Variants in CDH7 observed in about 807,000 individuals in gnomAD.
CDH7 encodes the protein cadherin 7, also known as cadherin-7.
Under a neutral mutation model 71.8 loss-of-function variants are expected in CDH7, and 25 were observed. The ratio of observed to expected loss-of-function variants is 0.35; its 90% CI spans 0.25 to 0.49. The LOEUF is 0.49. Ranked by LOEUF, CDH7 falls within the 20% of genes least tolerant of loss-of-function variation. The pLI, the probability that CDH7 is intolerant of heterozygous loss-of-function variation, is 0.99. For synonymous variants in CDH7, 381 were observed against 363.8 expected (o/e 1.05, Z -0.54); for missense variants, 862 against 974.6 (o/e 0.88, Z 1.54).
In CDH7 at chr18:65,781,767, T is replaced by TTTCCTTCCTTCC. The variant is rs1189209857; in HGVS notation, c.210+18759_210+18770dup. On this transcript the variant is annotated intron_variant, in intron 2 of 11. Transcript: ENST00000397968. ...ATTGGTTGATTTCTTTCTTTCTTTC[T>TTTCCTTCCTTCC]TTCCTTCCTTCCTTCCTTCCTTCCT... 5.4e-4 allele frequency among the ~76,000 whole-genome samples: 41 copies of TTTCCTTCCTTCC among 75,500 alleles called. 1 individual carries two copies. The highest frequency in any genetic ancestry group is 8.9e-4 in the Non-Finnish European group (34 of 38,416). The allele number at this position is 75,500 out of a possible 152,430, so 49.5% of individuals were successfully genotyped here.
chr18:65,835,602 A>G (rs1912504355), intron 6 of CDH7, among the ~76,000 whole-genome samples: 1 of 152,166 alleles, frequency 6.6e-6, no homozygotes, highest in Admixed American at 6.5e-5. Context: ...AATGTATGAA[A>G]CCCTCTAGAA....
In CDH7 at chr18:65,881,530, C is replaced by A. The variant is rs990344646; in HGVS notation, c.*636C>A. ...AAGGCAATATAAACCATTGTTTATCCAATAAATTATGAAGTGTTCCAAATA... is the reference window on the plus strand; with the variant it reads ...AAGGCAATATAAACCATTGTTTATCAAATAAATTATGAAGTGTTCCAAATA... On this transcript the variant is annotated 3_prime_UTR_variant, in exon 12 of 12. Transcript: ENST00000397968. The A allele has an allele frequency of 6.6e-6, 1 of 151,754 alleles. No homozygotes were observed. The highest frequency in any genetic ancestry group is 1.5e-5 in the Non-Finnish European group (1 of 67,956). The allele number at this position is 151,754 out of a possible 1,614,324, so 9.4% of individuals were successfully genotyped here.
rs1365571001 is a variant in CDH7, at chr18:65,881,017, G to A, written c.*123G>A. Reference sequence around the variant, plus strand: ...GAACTCCCCTTGCTGGAGACAGATGGTTGTAAATATTTCTCCATTTTTAAT... The same window carrying A: ...GAACTCCCCTTGCTGGAGACAGATGATTGTAAATATTTCTCCATTTTTAAT... On this transcript the variant is annotated 3_prime_UTR_variant, in exon 12 of 12. Transcript: ENST00000397968. The A allele has an allele frequency of 1.1e-6, 1 of 940,370 alleles. No homozygotes were observed. The highest frequency in any genetic ancestry group is 1.7e-5 in the African/African-American group (1 of 60,116). 58.3% of individuals were successfully genotyped at this position (940,370 alleles called of 1,614,324 possible). A position where few individuals can be genotyped will look rare whatever the true frequency, so the allele number is the denominator to read the frequency against.
chr18:65,869,903 A>G (rs1194827680), intron 11 of CDH7, among the ~76,000 whole-genome samples: 2 of 152,082 alleles, frequency 1.3e-5, no homozygotes, highest in African/African-American at 4.8e-5. Context: ...TACCCATAGG[A>G]TTATCTCCAT....
intron 4 of CDH7, among the ~76,000 whole-genome samples, chr18:65,819,334 G>T (rs574516451): frequency 1.6e-4 from 24 of 152,232 alleles, no homozygotes; most frequent in Middle Eastern, 6.8e-3. Flanking sequence ...CAGAGTTCGG[G>T]CACGCTGCCT....
chr18:65,799,554 T>C (rs1039878260), intron 2 of CDH7, among the ~76,000 whole-genome samples: 2 of 152,010 alleles, frequency 1.3e-5, no homozygotes, highest in Non-Finnish European at 2.9e-5. Context: ...CGGGTGCCTG[T>C]AGTCCCAGCT....
chr18:65,826,777 A>G (rs971695713), intron 6 of CDH7, among the ~76,000 whole-genome samples: 5 of 151,600 alleles, frequency 3.3e-5, no homozygotes, highest in African/African-American at 2.4e-5. Context: ...TCTCATTAAA[A>G]ACACTGTATA....
rs1911456160 is a variant in CDH7, at chr18:65,809,765, C to A, written c.272C>A (p.Ala91Glu). The A allele has an allele frequency of 6.2e-7, 1 of 1,613,820 alleles. No homozygotes were observed. Among genetic ancestry groups the A allele is most frequent in the South Asian group, 1.1e-5 (1 of 91,066 alleles). Residue 91 changes from alanine (A) to glutamate (E), a missense_variant, in exon 3 of 12, where the codon GCA becomes GAA. Coordinates refer to ENST00000397968, the MANE Select transcript of CDH7 (RefSeq NM_004361.5). ...SIKYILSGEGASSIFIIDENT... is the reference protein window; with the variant it reads ...SIKYILSGEGESSIFIIDENT... Reference sequence around the variant, plus strand: ...AAATACATCTTGTCAGGCGAAGGGGCAAGTTCCATTTTCATTATTGATGAG... The same window carrying A: ...AAATACATCTTGTCAGGCGAAGGGGAAAGTTCCATTTTCATTATTGATGAG...
At chr18:65,871,372 A>G (rs760734696) in intron 11 of CDH7, among the ~76,000 whole-genome samples, 1 of 152,168 alleles carries the variant, frequency 6.6e-6, no homozygotes, top group Non-Finnish European at 1.5e-5. Context: ...ATTGGAGAGC[A>G]GGTAACTGAG....
At chr18:65,773,809 C>T (rs1012321288) in intron 2 of CDH7, among the ~76,000 whole-genome samples, 7 of 151,892 alleles carry the variant, frequency 4.6e-5, no homozygotes, top group East Asian at 1.9e-4. Context: ...ATGTATGGGA[C>T]GCTTATGAAA....
intron 11 of CDH7, among the ~76,000 whole-genome samples, chr18:65,864,705 G>A (rs1201242208): frequency 6.6e-6 from 1 of 151,320 alleles, no homozygotes; most frequent in Non-Finnish European, 1.5e-5. Context: ...TGGCTAACAC[G>A]GTGAAACCCT....
At chr18:65,750,253 T>G (rs1281562345), upstream of CDH7, 1 of 141,994 alleles carries the variant, frequency 7.0e-6, no homozygotes, top group African/African-American at 2.7e-5. Context: ...AAAGTAGAAC[T>G]AGGGCAGTCC....
chr18:65,851,687 T>A (rs1374416251), intron 7 of CDH7, among the ~76,000 whole-genome samples: 3 of 152,202 alleles, frequency 2.0e-5, no homozygotes, highest in Non-Finnish European at 4.4e-5. Flanking sequence ...AGATCTTACA[T>A]GAAAACTCAT....
At chr18:65,830,879 G>A (rs1912326996) in intron 6 of CDH7, among the ~76,000 whole-genome samples, 1 of 151,528 alleles carries the variant, frequency 6.6e-6, no homozygotes, top group Non-Finnish European at 1.5e-5. Flanking sequence ...TAAGCTTAGT[G>A]ATCGTTGCTT....
At chr18:65,754,411 A>T (rs1598980366) in intron 1 of CDH7, among the ~76,000 whole-genome samples, 1 of 152,324 alleles carries the variant, frequency 6.6e-6, no homozygotes, top group South Asian at 2.1e-4. Flanking sequence ...ATTTGATCGC[A>T]GTTTCTTTAC....
chr18:65,834,271 T>C lies in CDH7; in HGVS notation c.981+9440T>C, dbSNP rs183687367. 5.9e-5 allele frequency among the ~76,000 whole-genome samples: 9 copies of C among 152,324 alleles called. No individual in the cohort carries two copies. In the East Asian group the frequency reaches 1.7e-3, roughly 29 times the overall value. On this transcript the variant is annotated intron_variant, in intron 6 of 11. Coordinates refer to ENST00000397968, the MANE Select transcript of CDH7 (RefSeq NM_004361.5). Reference sequence around the variant, plus strand: ...TAGGATGGCTTGGAACAAGTGATGTTTGGTGCACTGTAATAGCAAGGTAAA... The same window carrying C: ...TAGGATGGCTTGGAACAAGTGATGTCTGGTGCACTGTAATAGCAAGGTAAA...
At chr18:65,751,833 C>T (rs1240735564) in intron 1 of CDH7, among the ~76,000 whole-genome samples, 1 of 152,176 alleles carries the variant, frequency 6.6e-6, no homozygotes, top group Non-Finnish European at 1.5e-5. Context: ...GCACATGGTA[C>T]ACTGCTACTT....
At chr18:65,871,372 A>T (rs760734696) in intron 11 of CDH7, among the ~76,000 whole-genome samples, 59 of 152,168 alleles carry the variant, frequency 3.9e-4, no homozygotes, top group Non-Finnish European at 7.2e-4. Context: ...ATTGGAGAGC[A>T]GGTAACTGAG....
chr18:65,852,910 A>G (rs537501712), intron 7 of CDH7, among the ~76,000 whole-genome samples: 16 of 152,262 alleles, frequency 1.1e-4, no homozygotes, highest in African/African-American at 3.4e-4. Context: ...AAGGTAGGGT[A>G]ATTTGGGGAA....
Sources: allele counts gnomAD v4.1 joint callset (sites outside exome capture counted in the v4.1 genomes callset), GRCh38; gene constraint gnomAD v4.1.1; transcripts MANE v1.5; gene names NCBI Gene and HGNC (gene_info 2026-07-23, HGNC 2026-07-21).